PRKAG2: variants seen among roughly 807,000 people sequenced by gnomAD.
PRKAG2 encodes the protein 5'-AMP-activated protein kinase subunit gamma-2.
PRKAG2 carries 26 observed loss-of-function variants against 69.6 expected under a neutral mutation model. That is an observed-to-expected ratio of 0.37 (90% CI 0.27 to 0.52). PRKAG2 has a LOEUF of 0.52. Ranked by LOEUF, PRKAG2 falls within the 20% of genes least tolerant of loss-of-function variation. The probability of loss-of-function intolerance (pLI) is 0.90; values close to 1 mark genes in which losing one functional copy is unlikely to be tolerated. For missense variants in PRKAG2, 557 were observed against 740.0 expected (o/e 0.75, Z 2.87); for synonymous variants, 293 against 285.0 (o/e 1.03, Z -0.28).
intron 6 of PRKAG2, among the ~76,000 whole-genome samples, chr7:151,577,992 GTT>G (rs368297039): frequency 1.4e-5 from 2 of 142,140 alleles, no homozygotes; most frequent in African/African-American, 2.6e-5. Context: ...GTATGGTTAT[GTT>G]TTTTTTTTTT....
Position 151,556,641 on chromosome 7 carries a change from A to G in PRKAG2, c.*560T>C, listed in dbSNP as rs1268533904. ...TGTAAAGCAGCCTCGTTGACACGGTAGCCCAGAACAAAACACTTACGTGTA... is the reference window on the plus strand; with the variant it reads ...TGTAAAGCAGCCTCGTTGACACGGTGGCCCAGAACAAAACACTTACGTGTA... On this transcript the variant is annotated 3_prime_UTR_variant, in exon 16 of 16. Transcript: ENST00000287878. 2 of 153,206 alleles carry G rather than the reference A, an allele frequency of 1.3e-5. No homozygotes were observed. Among genetic ancestry groups the G allele is most frequent in the Non-Finnish European group, 2.9e-5 (2 of 68,680 alleles). 9.5% of individuals were successfully genotyped at this position (153,206 alleles called of 1,614,324 possible).
chr7:151,572,663 C>T lies in PRKAG2; in HGVS notation c.1051+1G>A. 1 of 1,595,924 alleles carries T rather than the reference C, an allele frequency of 6.3e-7. No homozygotes were observed. The highest frequency in any genetic ancestry group is 1.7e-5 in the Admixed American group (1 of 59,742). ...GATTTTAAACATCCAATAGTGCTTA[C>T]CCCTCCATGTTTCAATTTTATGTTC... On this transcript the variant is annotated splice_donor_variant, in intron 9 of 15. Transcript: ENST00000287878. LOFTEE classifies it high-confidence loss of function.
rs1458698277 is a variant in PRKAG2, at chr7:151,771,732, T to C, written c.466+9420A>G. On this transcript the variant is annotated intron_variant, in intron 3 of 15. Coordinates refer to ENST00000287878, the MANE Select transcript of PRKAG2 (RefSeq NM_016203.4). This position sits in a 1 kb window ranked among gnomAD's most constrained non-coding sequence, Gnocchi z 4.0. ...GCACGTGTTTTTCACGTTTATATTGTTGTTTTGTTTCATTTTCTATTTGGA... is the reference window on the plus strand; with the variant it reads ...GCACGTGTTTTTCACGTTTATATTGCTGTTTTGTTTCATTTTCTATTTGGA... 1.3e-5 allele frequency among the ~76,000 whole-genome samples: 2 copies of C among 152,232 alleles called. No individual in the cohort carries two copies. Among genetic ancestry groups the C allele is most frequent in the Non-Finnish European group, 2.9e-5 (2 of 68,050 alleles).
chr7:151,857,905 G>A (rs976515891), intron 1 of PRKAG2, among the ~76,000 whole-genome samples: 3 of 152,250 alleles, frequency 2.0e-5, no homozygotes, highest in Non-Finnish European at 4.4e-5. Context: ...ATGGGGCATA[G>A]GAGACAAAGA....
chr7:151,726,787 C>T (rs577363837), intron 3 of PRKAG2, among the ~76,000 whole-genome samples: 2 of 152,270 alleles, frequency 1.3e-5, no homozygotes, highest in South Asian at 2.1e-4. Context: ...TTCTGGGGTG[C>T]TGGCTACACA....
chr7:151,595,957 C>A (rs1054780582), intron 5 of PRKAG2, among the ~76,000 whole-genome samples: 8 of 152,060 alleles, frequency 5.3e-5, no homozygotes, highest in Non-Finnish European at 1.0e-4. Flanking sequence ...GTCACTTGAG[C>A]CCAGGAGTTC....
chr7:151,731,776 T>A (rs748143886), intron 3 of PRKAG2, among the ~76,000 whole-genome samples: 4 of 152,044 alleles, frequency 2.6e-5, no homozygotes, highest in African/African-American at 4.8e-5. Context: ...GGAGGAGAAG[T>A]CAATGACAGG....
At chr7:151,631,947 C>T (rs1343073705) in intron 5 of PRKAG2, 122 bp downstream of exon 5, 1 of 1,012,828 alleles carries the variant, frequency 9.9e-7, no homozygotes, top group East Asian at 5.5e-5. Context: ...CCCTGGGCTT[C>T]CGCAGGACGC....
chr7:151,773,165 G>A (rs1334429260), intron 3 of PRKAG2, among the ~76,000 whole-genome samples: 3 of 132,612 alleles, frequency 2.3e-5, no homozygotes, highest in Admixed American at 1.5e-4. Flanking sequence ...AGGAAGGGAA[G>A]CAAGGAAGGA....
intron 3 of PRKAG2, among the ~76,000 whole-genome samples, chr7:151,729,589 C>T (rs1262084888): frequency 6.6e-6 from 1 of 152,122 alleles, no homozygotes; most frequent in Non-Finnish European, 1.5e-5. Context: ...GGGCCTTCAT[C>T]TCAAGCAGGT....
rs560374182 is a variant in PRKAG2, at chr7:151,841,328, T to C, written c.114+35179A>G. Among the ~76,000 whole-genome samples the C allele has an allele frequency of 7.2e-5, 11 of 152,160 alleles. 1 individual carries two copies. In the South Asian group the frequency reaches 2.3e-3, roughly 32 times the overall value. On this transcript the variant is annotated intron_variant, in intron 1 of 15. Coordinates refer to ENST00000287878, the MANE Select transcript of PRKAG2 (RefSeq NM_016203.4). The stretch of plus-strand genomic sequence containing the variant: ...TAACAGTAGGTAGTGATGGTAGTGA[T>C]GTTAGTGATGGTAGGTAGTAATGAT...
chr7:151,832,273 A>T (rs2079050343), intron 1 of PRKAG2, among the ~76,000 whole-genome samples: 1 of 134,482 alleles, frequency 7.4e-6, no homozygotes, highest in African/African-American at 3.0e-5. Flanking sequence ...GGAAGGGAGG[A>T]GGGAAGGAAG....
intron 3 of PRKAG2, among the ~76,000 whole-genome samples, chr7:151,726,941 C>T (rs531110028): frequency 1.2e-4 from 19 of 152,194 alleles, no homozygotes; most frequent in South Asian, 4.2e-4. Flanking sequence ...ACTGGCTGGG[C>T]GCGGTGGCTC....
intron 1 of PRKAG2, among the ~76,000 whole-genome samples, chr7:151,822,246 GGAGGCCTC>G (rs540094881): frequency 5.3e-4 from 81 of 152,294 alleles, no homozygotes; most frequent in African/African-American, 1.9e-3. Flanking sequence ...CACCGCCCTA[GGAGGCCTC>G]GAGCCCAGGA....
At position 151,675,371 on chromosome 7, in the gene PRKAG2, C is replaced by T. The variant is rs1266305440; in HGVS notation, c.684+49G>A. 1.9e-6 allele frequency: 3 copies of T among 1,558,712 alleles called. No homozygotes were observed. The South Asian group carries it at 3.4e-5, about 18-fold the overall frequency. On this transcript the variant is annotated intron_variant, in intron 4 of 15. Coordinates refer to ENST00000287878, the MANE Select transcript of PRKAG2 (RefSeq NM_016203.4). ...CAGCTTGGGGCAATAACTGCTCTGC[C>T]CTCCCTCTGCCACCCGGCAGCCCCA...
chr7:151,636,949 C>G lies in PRKAG2; in HGVS notation c.685-4811G>C, dbSNP rs577899268. Among the ~76,000 whole-genome samples, 212 of 152,326 alleles carry G rather than the reference C, an allele frequency of 1.4e-3. 1 individual carries two copies. Among genetic ancestry groups the G allele is most frequent in the African/African-American group, 4.9e-3 (202 of 41,574 alleles). On this transcript the variant is annotated intron_variant, in intron 4 of 15. Coordinates refer to ENST00000287878, the MANE Select transcript of PRKAG2 (RefSeq NM_016203.4). ...CGAACTCCTGACCTCAGGTGATCCA[C>G]CCGCCTCAGCCTCCCAAAGTGCTGG...
At chr7:151,608,314 G>C (rs1265717478) in intron 5 of PRKAG2, among the ~76,000 whole-genome samples, 1 of 152,140 alleles carries the variant, frequency 6.6e-6, no homozygotes, top group Non-Finnish European at 1.5e-5. Flanking sequence ...GAAACTAATA[G>C]GCCTTCAAAG....
chr7:151,682,854 A>G lies in PRKAG2; in HGVS notation c.467-7217T>C, dbSNP rs542946210. On this transcript the variant is annotated intron_variant, in intron 3 of 15. Coordinates refer to ENST00000287878, the MANE Select transcript of PRKAG2 (RefSeq NM_016203.4). ...GGGACGGTGGCTCAGAAACCCCAGG[A>G]AAGAGCTGGGCCCCGATCCTGGAGG... Among the ~76,000 whole-genome samples the G allele has an allele frequency of 4.1e-4, 62 of 152,268 alleles. No individual in the cohort carries two copies. The Middle Eastern group carries it at 0.014, about 33-fold the overall frequency.
chr7:151,622,246 C>A (rs1359182674), intron 5 of PRKAG2, among the ~76,000 whole-genome samples: 1 of 152,206 alleles, frequency 6.6e-6, no homozygotes, highest in African/African-American at 2.4e-5. Flanking sequence ...TGACAAAAGG[C>A]TATCCTAACT....
Sources: gnomAD v4.1 joint callset for allele counts (sites outside exome capture counted in the v4.1 genomes callset) on GRCh38, gnomAD v4.1.1 for gene constraint, Gnocchi (gnomAD v3.1) non-coding constraint, MANE v1.5 for transcripts, NCBI Gene and HGNC (gene_info 2026-07-23, HGNC 2026-07-21) for gene names.